The following APAF1 variants were observed in gnomAD, a reference collection of about 807,000 sequenced individuals.
APAF1 encodes the protein apoptotic protease-activating factor 1.
Under a neutral mutation model 152.4 loss-of-function variants are expected in APAF1, and 91 were observed. The observed-to-expected ratio is 0.60, with a 90% confidence interval of 0.50 to 0.71. The LOEUF (loss-of-function observed/expected upper bound fraction) is 0.71. APAF1 is among the 30% of genes least tolerant of loss of function. The pLI is 0.00. For synonymous variants in APAF1, 484 were observed against 494.1 expected (o/e 0.98, Z 0.27); for missense variants, 1,283 against 1,472.0 (o/e 0.87, Z 2.10).
intron 20 of APAF1, among the ~76,000 whole-genome samples, chr12:98,711,655 G>T (rs1026594123): frequency 8.5e-5 from 13 of 152,282 alleles, no homozygotes; most frequent in African/African-American, 2.6e-4. Flanking sequence ...ATTTAAGCTT[G>T]AGAAATATTT....
intron 21 of APAF1, among the ~76,000 whole-genome samples, chr12:98,715,020 G>C (rs1367366010): frequency 4.8e-5 from 7 of 146,548 alleles, no homozygotes; most frequent in Non-Finnish European, 1.0e-4. Context: ...TGAATAATTT[G>C]CCTTCTCATC....
chr12:98,701,014 C>T (rs934826874), intron 17 of APAF1, among the ~76,000 whole-genome samples: 1 of 151,434 alleles, frequency 6.6e-6, no homozygotes, highest in African/African-American at 2.4e-5. Context: ...TCTTACAAAC[C>T]AGTGTTTATT....
intron 12 of APAF1, among the ~76,000 whole-genome samples, chr12:98,673,269 T>A (rs1593049383): frequency 6.7e-6 from 1 of 150,338 alleles, no homozygotes; most frequent in Non-Finnish European, 1.5e-5. Flanking sequence ...TCACCTGAGG[T>A]CAGGAGTTTG....
Position 98,723,766 on chromosome 12 carries a change from T to C in APAF1, c.3330+2T>C, listed in dbSNP as rs768957601. Reference sequence around the variant, plus strand: ...ACCTCTGCTGACAAGACTGCAAAGGTAGGTCAATCAATTGAAACCATGCAT... The same window carrying C: ...ACCTCTGCTGACAAGACTGCAAAGGCAGGTCAATCAATTGAAACCATGCAT... On this transcript the variant is annotated splice_donor_variant, in intron 24 of 26. Coordinates refer to ENST00000551964, the MANE Select transcript of APAF1 (RefSeq NM_181861.2). LOFTEE classifies it high-confidence loss of function. 5 of 1,613,708 alleles carry C rather than the reference T, an allele frequency of 3.1e-6. No homozygotes were observed. The Admixed American group carries it at 6.7e-5, about 22-fold the overall frequency.
chr12:98,671,741 C>G, intron 12 of APAF1, 22 bp downstream of exon 12: 1 of 1,608,676 alleles, frequency 6.2e-7, no homozygotes. Context: ...AGGAGAGAAA[C>G]CAAAGGGAGT....
chr12:98,699,480 C>A lies in APAF1; in HGVS notation c.2377C>A (p.Pro793Thr), dbSNP rs767861971. The A allele has an allele frequency of 3.1e-6, 5 of 1,613,856 alleles. No homozygotes were observed. Among genetic ancestry groups the A allele is most frequent in the South Asian group, 2.2e-5 (2 of 91,074 alleles). The change falls in exon 17 of 27, where the codon CCT becomes ACT. Residue 793 changes from proline (P) to threonine (T), a missense_variant. By Grantham distance (38) the Pro-to-Thr change is conservative. Coordinates refer to ENST00000551964, the MANE Select transcript of APAF1 (RefSeq NM_181861.2). Reference protein sequence around the residue: ...VKQFFLNLEDPQEDMEVIVKC... With the variant: ...VKQFFLNLEDTQEDMEVIVKC... The stretch of plus-strand genomic sequence containing the variant: ...ACAGTTCTTCCTAAATTTGGAGGAC[C>A]CTCAAGAGGATATGGAAGTGATAGT...
chr12:98,734,943 C>T lies in APAF1; in HGVS notation c.*2377C>T, dbSNP rs60760345. The T allele has an allele frequency of 4.9e-3, 1,790 of 365,148 alleles. 26 individuals carry two copies. Among genetic ancestry groups the T allele is most frequent in the African/African-American group, 0.035 (1,670 of 48,050 alleles). The allele number at this position is 365,148 out of a possible 1,614,324, so 22.6% of individuals were successfully genotyped here. A position where few individuals can be genotyped will look rare whatever the true frequency, so the allele number is the denominator to read the frequency against. The stretch of plus-strand genomic sequence containing the variant: ...CAGGTTTTAAAAAGCCTTGAATGGC[C>T]CTTGTCTTAAAAAGAAATTAGGAGC... On this transcript the variant is annotated 3_prime_UTR_variant, in exon 27 of 27. Transcript: ENST00000551964.
intron 26 of APAF1, among the ~76,000 whole-genome samples, chr12:98,731,300 T>C (rs73378469): frequency 0.027 from 4,121 of 152,286 alleles, 204 homozygotes; most frequent in African/African-American, 0.095. Context: ...TTACAATTGA[T>C]GGATCCACAT....
intron 26 of APAF1, among the ~76,000 whole-genome samples, chr12:98,731,589 G>C (rs2097761623): frequency 6.6e-6 from 1 of 152,190 alleles, no homozygotes; most frequent in Non-Finnish European, 1.5e-5. Flanking sequence ...ATGCTTACTT[G>C]ACCCACTCAC....
At chr12:98,648,961 T>C in intron 3 of APAF1, 146 bp downstream of exon 3, 1 of 868,578 alleles carries the variant, frequency 1.2e-6, no homozygotes, top group Non-Finnish European at 1.9e-6. Flanking sequence ...TCAATTTAAA[T>C]ATTTTTTATT....
chr12:98,667,230 G>A (rs1175903716), intron 9 of APAF1, among the ~76,000 whole-genome samples: 1 of 151,080 alleles, frequency 6.6e-6, no homozygotes, highest in Non-Finnish European at 1.5e-5. Context: ...CGAGTAGTTG[G>A]GTCTGCAGGC....
rs535820960 is a variant in APAF1 at position 98,649,156 on chromosome 12, A to G, written c.329-331A>G. 1.1e-4 allele frequency: 97 copies of G among 878,840 alleles called. 1 individual carries two copies. In the African/African-American group the frequency reaches 1.7e-3, roughly 15 times the overall value. 54.4% of individuals were successfully genotyped at this position (878,840 alleles called of 1,614,324 possible). A position where few individuals can be genotyped will look rare whatever the true frequency, so the allele number is the denominator to read the frequency against. ...AATCTTTAGAAATATATGTTCTTGA[A>G]AGGTATTCCATAAATGTTCTTCCTT... On this transcript the variant is annotated intron_variant, in intron 3 of 26. Coordinates refer to ENST00000551964, the MANE Select transcript of APAF1 (RefSeq NM_181861.2).
rs1423412865 is a variant in APAF1, at chr12:98,715,539, A to C, written c.3071A>C (p.Asp1024Ala). 4 of 1,613,526 alleles carry C rather than the reference A, an allele frequency of 2.5e-6. No homozygotes were observed. The African/African-American group carries it at 5.3e-5, about 22-fold the overall frequency. ...DEKTLISSSD[D>A]AEIQVWNWQL... is the part of the protein sequence containing the mutation. Reference sequence around the variant, plus strand: ...AAGACTCTTATTTCAAGTTCTGATGATGCTGAAATTCAGGTGAGAGGGAGG... The same window carrying C: ...AAGACTCTTATTTCAAGTTCTGATGCTGCTGAAATTCAGGTGAGAGGGAGG... The change falls in exon 22 of 27, where the codon GAT becomes GCT. Residue 1024 changes from aspartate (D) to alanine (A), a missense_variant. By Grantham distance (126) the Asp-to-Ala change is moderately radical (BLOSUM62 -2). Coordinates refer to ENST00000551964, the MANE Select transcript of APAF1 (RefSeq NM_181861.2).
intron 16 of APAF1, among the ~76,000 whole-genome samples, chr12:98,696,350 A>G (rs1353873642): frequency 1.3e-4 from 20 of 152,154 alleles, no homozygotes; most frequent in African/African-American, 3.9e-4. Flanking sequence ...GACTGTTTTC[A>G]ACAACCCGCA....
chr12:98,665,516 A>T (rs2097671562), intron 7 of APAF1, 37 bp from the exon 8 acceptor site: 1 of 1,348,056 alleles, frequency 7.4e-7, no homozygotes, highest in South Asian at 1.2e-5. Context: ...ACAAAATAGG[A>T]TGGTATTAGC....
intron 22 of APAF1, among the ~76,000 whole-genome samples, chr12:98,716,704 T>C (rs2097735088): frequency 6.6e-6 from 1 of 152,232 alleles, no homozygotes; most frequent in Admixed American, 6.5e-5. Flanking sequence ...AAACCTATGA[T>C]TTTTAATTCA....
intron 21 of APAF1, chr12:98,712,893 C>G (rs2097729645): frequency 6.1e-6 from 1 of 165,218 alleles, no homozygotes; most frequent in African/African-American, 2.4e-5. Context: ...TCTTGGCTCA[C>G]TGCAGCCTTT....
chr12:98,706,382 C>A, intron 18 of APAF1, 103 bp from the exon 19 acceptor site: 1 of 1,101,466 alleles, frequency 9.1e-7, no homozygotes, highest in South Asian at 1.3e-5. Flanking sequence ...GAGCAATATT[C>A]ATTGAAGTGG....
At chr12:98,655,451 G>T (rs1171086013) in intron 4 of APAF1, among the ~76,000 whole-genome samples, 1 of 151,076 alleles carries the variant, frequency 6.6e-6, no homozygotes, top group Non-Finnish European at 1.5e-5. Context: ...GGCCGGCCGG[G>T]CAGGGGGCTG....
Sources: allele counts gnomAD v4.1 joint callset (sites outside exome capture counted in the v4.1 genomes callset), GRCh38; gene constraint gnomAD v4.1.1; transcripts MANE v1.5; gene names NCBI Gene and HGNC (gene_info 2026-07-23, HGNC 2026-07-21).